IL1RAPL2: variants seen among roughly 807,000 people sequenced by gnomAD.
IL1RAPL2 encodes interleukin 1 receptor accessory protein like 2, also known as X-linked interleukin-1 receptor accessory protein-like 2.
A neutral mutation model predicts 44.1 loss-of-function variants in IL1RAPL2; 3 were observed. The observed-to-expected ratio is 0.07, with a 90% CI of 0.03 to 0.18. IL1RAPL2 has a LOEUF of 0.18. Among genes scored for constraint, IL1RAPL2 ranks in the 10% least tolerant of loss-of-function variants. IL1RAPL2 has a pLI of 1.00. For synonymous variants in IL1RAPL2, 181 were observed against 178.8 expected (o/e 1.01, Z -0.10); for missense variants, 391 against 496.4 (o/e 0.79, Z 2.02).
chrX:105,740,502 C>A, intron 7 of IL1RAPL2, 44 bp from the exon 8 acceptor site: 2 of 1,189,279 alleles, frequency 1.7e-6, no homozygotes, highest in Non-Finnish European at 2.3e-6. Flanking sequence ...CTGCTTTCTC[C>A]CCAAATCAAG....
intron 1 of IL1RAPL2, among the ~76,000 whole-genome samples, chrX:104,599,519 A>G (rs1168052288): frequency 9.0e-6 from 1 of 110,617 alleles, no homozygotes; most frequent in Non-Finnish European, 1.9e-5. Flanking sequence ...AAGTGCTGGG[A>G]TCACAAGCAT....
intron 5 of IL1RAPL2, among the ~76,000 whole-genome samples, chrX:105,299,256 G>A (rs1449306185): frequency 8.9e-6 from 1 of 111,851 alleles, no homozygotes; most frequent in Non-Finnish European, 1.9e-5. Context: ...CTGTGATACT[G>A]TTCCTATAAC....
At chrX:104,762,846 A>G (rs1232232431) in intron 2 of IL1RAPL2, among the ~76,000 whole-genome samples, 1 of 111,961 alleles carries the variant, frequency 8.9e-6, no homozygotes, top group African/African-American at 3.2e-5. Context: ...TACACAAAGC[A>G]GCAAGGCCCT....
intron 1 of IL1RAPL2, among the ~76,000 whole-genome samples, chrX:104,587,436 A>T (rs1052604684): frequency 1.8e-5 from 2 of 111,523 alleles, no homozygotes; most frequent in Admixed American, 1.9e-4. Flanking sequence ...GTGATTCTCA[A>T]ACTTTAATGT....
At chrX:105,149,331 AT>A (rs1001091036) in intron 2 of IL1RAPL2, among the ~76,000 whole-genome samples, 2 of 112,147 alleles carry the variant, frequency 1.8e-5, no homozygotes, top group African/African-American at 6.5e-5. Flanking sequence ...TCTATAAAAA[AT>A]AGCGAGAATA....
At chrX:105,309,982 A>G (rs189403059) in intron 5 of IL1RAPL2, among the ~76,000 whole-genome samples, 1 of 111,325 alleles carries the variant, frequency 9.0e-6, no homozygotes, top group African/African-American at 3.3e-5. Flanking sequence ...GAGTATCATG[A>G]TTATGATGGT....
intron 10 of IL1RAPL2, among the ~76,000 whole-genome samples, chrX:105,764,954 G>A (rs1391818358): frequency 8.9e-6 from 1 of 111,904 alleles, no homozygotes; most frequent in Non-Finnish European, 1.9e-5. Flanking sequence ...ATTACAAGCT[G>A]TAATTAATTA....
chrX:104,647,567 A>G, intron 1 of IL1RAPL2: 1 of 515,400 alleles, frequency 1.9e-6, no homozygotes, highest in East Asian at 3.5e-5. Flanking sequence ...CCTGGAGAGC[A>G]GCTCTCTCTG....
At chrX:105,443,934 G>A (rs780315855) in intron 5 of IL1RAPL2, among the ~76,000 whole-genome samples, 1 of 111,909 alleles carries the variant, frequency 8.9e-6, no homozygotes, top group Non-Finnish European at 1.9e-5. Flanking sequence ...CTCCATATTT[G>A]TTGTACTAAT....
At chrX:105,325,545 A>ATT in intron 5 of IL1RAPL2, among the ~76,000 whole-genome samples, 1 of 10,293 alleles carries the variant, frequency 9.7e-5, no homozygotes, top group African/African-American at 1.0e-4. Flanking sequence ...TTGGTTTTAT[A>ATT]TATATATATA....
chrX:104,677,431 AC>A (rs1415388091), intron 2 of IL1RAPL2, among the ~76,000 whole-genome samples: 1 of 111,273 alleles, frequency 9.0e-6, no homozygotes, highest in Non-Finnish European at 1.9e-5. Flanking sequence ...TCAGGGACCC[AC>A]TTGAGGAGGC....
At position 105,607,635 on chromosome X, in the gene IL1RAPL2, CAAAAAAAAAA is replaced by C. The variant is rs11377516; in HGVS notation, c.773-109713_773-109704del. 2.1e-3 allele frequency among the ~76,000 whole-genome samples: 33 copies of C among 15,717 alleles called. 1 individual carries two copies. Among genetic ancestry groups the C allele is most frequent in the African/African-American group, 6.0e-3 (27 of 4,498 alleles). The allele number at this position is 15,717 out of a possible 115,157, so 13.6% of individuals were successfully genotyped here. On this transcript the variant is annotated intron_variant, in intron 6 of 10. Coordinates refer to ENST00000372582, the MANE Select transcript of IL1RAPL2 (RefSeq NM_017416.2). ...AAAAGATGCATGGACATTCAGCAGA[CAAAAAAAAAA>C]AAAAAAAAAAAAAAAAAAGGAAATA...
At chrX:105,311,092 CTT>C (rs900457682) in intron 5 of IL1RAPL2, among the ~76,000 whole-genome samples, 3 of 111,179 alleles carry the variant, frequency 2.7e-5, no homozygotes, top group African/African-American at 9.8e-5. Flanking sequence ...TGGGAATACT[CTT>C]TGTTTTATAG....
chrX:105,299,032 T>A (rs1036845584), intron 5 of IL1RAPL2, among the ~76,000 whole-genome samples: 1 of 111,609 alleles, frequency 9.0e-6, no homozygotes, highest in African/African-American at 3.3e-5. Context: ...AATGAATCTA[T>A]AATGAGAAAT....
Position 105,051,373 on chromosome X carries a change from G to A in IL1RAPL2, c.83-144102G>A, listed in dbSNP as rs181040652. Among the ~76,000 whole-genome samples the A allele has an allele frequency of 7.1e-5, 8 of 112,886 alleles. No individual in the cohort carries two copies. The East Asian group carries it at 2.3e-3, about 32-fold the overall frequency. ...GGAGGGCAGCCGCAGCTGCACCCAG[G>A]GAGCTTCTGCTCAGCCAACTCAGAA... On this transcript the variant is annotated intron_variant, in intron 2 of 10. Coordinates refer to ENST00000372582, the MANE Select transcript of IL1RAPL2 (RefSeq NM_017416.2).
Position 104,928,199 on chromosome X carries a change from C to T in IL1RAPL2, c.83-267276C>T, listed in dbSNP as rs201498627. 4.5e-5 allele frequency among the ~76,000 whole-genome samples: 5 copies of T among 111,407 alleles called. No individual in the cohort carries two copies. The East Asian group carries it at 8.5e-4, about 19-fold the overall frequency. ...GATTGTTTAGTTATTTTAAAATATA[C>T]AATTAAGTTATTGACTATAGTATCT... On this transcript the variant is annotated intron_variant, in intron 2 of 10. Transcript: ENST00000372582.
At chrX:105,362,818 AAG>A (rs765005386) in intron 5 of IL1RAPL2, among the ~76,000 whole-genome samples, 15 of 111,603 alleles carry the variant, frequency 1.3e-4, no homozygotes, top group Admixed American at 1.3e-3. Context: ...ATATTGTAGA[AAG>A]AGTCTATCAA....
chrX:104,904,694 G>C (rs942212168), intron 2 of IL1RAPL2, among the ~76,000 whole-genome samples: 4 of 109,811 alleles, frequency 3.6e-5, no homozygotes, highest in African/African-American at 9.9e-5. Context: ...TCTCAATCCA[G>C]TCTATCATTG....
At chrX:105,288,904 T>G (rs1294879829) in intron 5 of IL1RAPL2, among the ~76,000 whole-genome samples, 1 of 111,123 alleles carries the variant, frequency 9.0e-6, no homozygotes, top group Non-Finnish European at 1.9e-5. Flanking sequence ...ACTGATCTTA[T>G]CATGCTTGTT....
Sources: allele counts gnomAD v4.1 joint callset (sites outside exome capture counted in the v4.1 genomes callset), GRCh38; gene constraint gnomAD v4.1.1; transcripts MANE v1.5; gene names NCBI Gene and HGNC (gene_info 2026-07-23, HGNC 2026-07-21).